The following RAP2A variants were observed in gnomAD, a reference collection of about 807,000 sequenced individuals.
The protein encoded by RAP2A is RAP2A, member of RAS oncogene family.
RAP2A carries 5 observed loss-of-function variants against 15.1 expected under a neutral mutation model. That is an observed-to-expected ratio of 0.33 (90% CI 0.17 to 0.70). The LOEUF is 0.70. Among genes scored for constraint, RAP2A ranks in the 30% least tolerant of loss-of-function variants. RAP2A has a pLI of 0.68. For missense variants in RAP2A, 111 were observed against 240.3 expected, an observed-to-expected ratio of 0.46 and a Z score of 3.56; for synonymous variants, 110 against 99.7, an observed-to-expected ratio of 1.10 and a Z score of -0.62.
chr13:97,448,979 G>A (rs191161105), intron 1 of RAP2A, among the ~76,000 whole-genome samples: 1 of 152,218 alleles, frequency 6.6e-6, no homozygotes, highest in Non-Finnish European at 1.5e-5. Flanking sequence ...CAGCACATAG[G>A]TCGCATGTTA....
intron 1 of RAP2A, among the ~76,000 whole-genome samples, chr13:97,435,685 A>G (rs1246198091): frequency 6.6e-6 from 1 of 152,174 alleles, no homozygotes; most frequent in African/African-American, 2.4e-5. Flanking sequence ...TTCACTGAAT[A>G]TATTTTTCCG....
intron 1 of RAP2A, among the ~76,000 whole-genome samples, chr13:97,435,465 CAAAAAA>C (rs35791914): frequency 2.2e-4 from 14 of 63,652 alleles, no homozygotes; most frequent in South Asian, 6.3e-4. Flanking sequence ...TAACCCCTTC[CAAAAAA>C]AAAAAAAAAA....
chr13:97,443,241 C>A (rs2066665368), intron 1 of RAP2A, among the ~76,000 whole-genome samples: 2 of 152,152 alleles, frequency 1.3e-5, no homozygotes, highest in South Asian at 4.1e-4. Flanking sequence ...CATTGAAAAA[C>A]CTTTATTTAA....
rs1431253647 is a variant in RAP2A at position 97,467,562 on chromosome 13, G to A, written c.*3120G>A. The A allele has an allele frequency of 1.3e-5, 2 of 152,364 alleles. No homozygotes were observed. The highest frequency in any genetic ancestry group is 2.9e-5 in the Non-Finnish European group (2 of 67,972). 9.4% of individuals were successfully genotyped at this position (152,364 alleles called of 1,614,324 possible). A position where few individuals can be genotyped will look rare whatever the true frequency, so the allele number is the denominator to read the frequency against. ...AAAGTGCTTTGTTTTGTTTGTTGCTGTTTTTTGTTTATGTGTGTGTTTTTA... is the reference window on the plus strand; with the variant it reads ...AAAGTGCTTTGTTTTGTTTGTTGCTATTTTTTGTTTATGTGTGTGTTTTTA... On this transcript the variant is annotated 3_prime_UTR_variant, in exon 2 of 2. Coordinates refer to ENST00000245304, the MANE Select transcript of RAP2A (RefSeq NM_021033.7).
At chr13:97,446,797 G>A (rs1027333491) in intron 1 of RAP2A, among the ~76,000 whole-genome samples, 9 of 152,196 alleles carry the variant, frequency 5.9e-5, no homozygotes, top group Non-Finnish European at 1.2e-4. Flanking sequence ...TCTTTGACTC[G>A]CCAGCCCAGC....
At chr13:97,441,704 C>T in intron 1 of RAP2A, 1 of 415,522 alleles carries the variant, frequency 2.4e-6, no homozygotes, top group Non-Finnish European at 4.8e-6. Flanking sequence ...TTGATTTTTC[C>T]CTGTTTTCTG....
At chr13:97,439,799 G>A (rs1400738363) in intron 1 of RAP2A, among the ~76,000 whole-genome samples, 2 of 152,184 alleles carry the variant, frequency 1.3e-5, no homozygotes, top group African/African-American at 4.8e-5. Context: ...AAGATACACA[G>A]TGGAGACTTC....
chr13:97,436,051 T>C (rs550113215), intron 1 of RAP2A: 1 of 152,328 alleles, frequency 6.6e-6, no homozygotes, highest in East Asian at 1.9e-4. Flanking sequence ...AGGCTCTCTC[T>C]CTATTGCTCC....
rs78362127 is a variant in RAP2A, at chr13:97,455,967, G to A, written c.315-8238G>A. ...TAAAATGGGAAGAGAAAAAGAGGAG[G>A]AAGTATACTGGGGATTTCTCCCACT... On this transcript the variant is annotated intron_variant, in intron 1 of 1. Coordinates refer to ENST00000245304, the MANE Select transcript of RAP2A (RefSeq NM_021033.7). 2.4e-3 allele frequency among the ~76,000 whole-genome samples: 362 copies of A among 151,386 alleles called. 12 individuals carry two copies. Among genetic ancestry groups the A allele is most frequent in the African/African-American group, 8.5e-3 (350 of 41,082 alleles).
At position 97,465,293 on chromosome 13, in the gene RAP2A, A is replaced by G. The variant is rs1339535125; in HGVS notation, c.*851A>G. ...AGCCTTACTAACAAGAAGCATTCTA[A>G]TAGATAAACTAGTACCATCATGTAA... On this transcript the variant is annotated 3_prime_UTR_variant, in exon 2 of 2. Coordinates refer to ENST00000245304, the MANE Select transcript of RAP2A (RefSeq NM_021033.7). 3 of 152,676 alleles carry G rather than the reference A, an allele frequency of 2.0e-5. No homozygotes were observed. The highest frequency in any genetic ancestry group is 7.2e-5 in the African/African-American group (3 of 41,448). 9.5% of individuals were successfully genotyped at this position (152,676 alleles called of 1,614,324 possible). A position where few individuals can be genotyped will look rare whatever the true frequency, so the allele number is the denominator to read the frequency against.
rs1337001041 is a variant in RAP2A at position 97,469,017 on chromosome 13, C to T, written c.*4575C>T. On this transcript the variant is annotated 3_prime_UTR_variant, in exon 2 of 2. Transcript: ENST00000245304. ...CGTTTCTTAATTTAAAATATGTTGC[C>T]ACATAAATACTAATAAAACATAGTT... The T allele has an allele frequency of 1.3e-5, 2 of 152,130 alleles. No individual in the cohort carries two copies. Among genetic ancestry groups the T allele is most frequent in the Admixed American group, 6.5e-5 (1 of 15,272 alleles). 9.4% of individuals were successfully genotyped at this position (152,130 alleles called of 1,614,324 possible). A position where few individuals can be genotyped will look rare whatever the true frequency, so the allele number is the denominator to read the frequency against.
Position 97,461,536 on chromosome 13 carries a change from GA to G in RAP2A, c.315-2668del, listed in dbSNP as rs2066745823. 2.0e-5 allele frequency among the ~76,000 whole-genome samples: 3 copies of G among 152,284 alleles called. No individual in the cohort carries two copies. The South Asian group carries it at 6.2e-4, about 32-fold the overall frequency. On this transcript the variant is annotated intron_variant, in intron 1 of 1. Coordinates refer to ENST00000245304, the MANE Select transcript of RAP2A (RefSeq NM_021033.7). ...GTTTTGAGAATTAGGTTGATGGTAAGATTTATTCAAATTCTTGATTTTAATA... is the reference window on the plus strand; with the variant it reads ...GTTTTGAGAATTAGGTTGATGGTAAGTTTATTCAAATTCTTGATTTTAATA...
chr13:97,458,346 G>A lies in RAP2A; in HGVS notation c.315-5859G>A, dbSNP rs113433097. Among the ~76,000 whole-genome samples the A allele has an allele frequency of 9.0e-3, 1,363 of 152,222 alleles. 25 individuals carry two copies. The highest frequency in any genetic ancestry group is 0.031 in the African/African-American group (1,271 of 41,544). ...GTATGACCTTCTTTAAATACGCTAC[G>A]ATGCAGCACCCTCAAAAGTAAAGTA... On this transcript the variant is annotated intron_variant, in intron 1 of 1. Transcript: ENST00000245304.
intron 1 of RAP2A, among the ~76,000 whole-genome samples, chr13:97,438,639 C>T (rs1470933835): frequency 6.6e-6 from 1 of 152,060 alleles, no homozygotes; most frequent in Non-Finnish European, 1.5e-5. Flanking sequence ...CCTCTCAAAC[C>T]AAAGTAACCC....
intron 1 of RAP2A, among the ~76,000 whole-genome samples, chr13:97,448,809 T>A (rs979986012): frequency 2.0e-5 from 3 of 152,184 alleles, no homozygotes; most frequent in Non-Finnish European, 4.4e-5. Context: ...GTTTTATTAC[T>A]TGGTGCTAGG....
intron 1 of RAP2A, among the ~76,000 whole-genome samples, chr13:97,461,988 ATT>A (rs1555326909): frequency 1.4e-5 from 2 of 144,222 alleles, no homozygotes; most frequent in African/African-American, 2.5e-5. Context: ...ATATATATAT[ATT>A]TATATATTTA....
chr13:97,434,437 GGGCGGC>G lies in RAP2A; in HGVS notation c.-18_-13del, dbSNP rs755279212. The G allele has an allele frequency of 1.6e-4, 253 of 1,543,456 alleles. 2 individuals carry two copies. Among genetic ancestry groups the G allele is most frequent in the Non-Finnish European group, 1.9e-4 (221 of 1,144,818 alleles). Reference sequence around the variant, plus strand: ...CGCGGCCGGCGTAGGTCTATGTCGCGGGCGGCGGCGGCGGCGGCGGCCGCGGAGGGA... The same window carrying G: ...CGCGGCCGGCGTAGGTCTATGTCGCGGGCGGCGGCGGCGGCCGCGGAGGGA... On this transcript the variant is annotated 5_prime_UTR_variant, in exon 1 of 2. Transcript: ENST00000245304.
rs756996577 is a variant in RAP2A at position 97,434,530 on chromosome 13, C to A, written c.60C>A (p.Thr20=). 25 of 1,613,878 alleles carry A rather than the reference C, an allele frequency of 1.5e-5. No individual in the cohort carries two copies. The East Asian group carries it at 5.4e-4, about 35-fold the overall frequency. The change falls in exon 1 of 2, where the codon ACC becomes ACA. Residue 20 remains threonine, a synonymous_variant. Transcript: ENST00000245304. ...GSGGVGKSAL[T]VQFVTGTFIE... ...GCGGGGTAGGCAAATCCGCCCTGACCGTGCAGTTCGTGACCGGCACCTTCA... is the reference window on the plus strand; with the variant it reads ...GCGGGGTAGGCAAATCCGCCCTGACAGTGCAGTTCGTGACCGGCACCTTCA...
At position 97,445,291 on chromosome 13, in the gene RAP2A, C is replaced by T. The variant is rs543802982; in HGVS notation, c.314+10507C>T. On this transcript the variant is annotated intron_variant, in intron 1 of 1. Transcript: ENST00000245304. Reference sequence around the variant, plus strand: ...ACTCCACTGCTTTCTTTTTCTACTTCGTGAACCAACAGTCCCAACAAACTT... The same window carrying T: ...ACTCCACTGCTTTCTTTTTCTACTTTGTGAACCAACAGTCCCAACAAACTT... Among the ~76,000 whole-genome samples, 4 of 152,280 alleles carry T rather than the reference C, an allele frequency of 2.6e-5. No individual in the cohort carries two copies. In the South Asian group the frequency reaches 8.3e-4, roughly 32 times the overall value.
Sources: allele counts gnomAD v4.1 joint callset (sites outside exome capture counted in the v4.1 genomes callset), GRCh38; gene constraint gnomAD v4.1.1; transcripts MANE v1.5; gene names NCBI Gene and HGNC (gene_info 2026-07-23, HGNC 2026-07-21).